PISD: variants seen among roughly 807,000 people sequenced by gnomAD.
PISD encodes the protein phosphatidylserine decarboxylase proenzyme, mitochondrial.
A neutral mutation model predicts 43.5 loss-of-function variants in PISD; 31 were observed. The observed-to-expected ratio is 0.71, with a 90% CI of 0.54 to 0.96. The LOEUF is 0.96. PISD is among the 40% of genes least tolerant of loss of function. PISD has a pLI of 0.00. For synonymous variants in PISD, 259 were observed against 228.7 expected, an observed-to-expected ratio of 1.13 and a Z score of -1.20; for missense variants, 523 against 548.4, an observed-to-expected ratio of 0.95 and a Z score of 0.46.
chr22:31,619,719 T>G lies in PISD; in HGVS notation c.1123A>C (p.Asn375His). The change falls in exon 8 of 8, where the codon AAC becomes CAC. Residue 375 changes from asparagine to histidine, a missense_variant. Coordinates refer to ENST00000439502, the MANE Select transcript of PISD (RefSeq NM_001326411.2). ...MRKGEHLGEF[N>H]LGSTIVLIFE... ...ATGAGCACGATGGTGGAGCCCAGGT[T>G]GAACTCGCCCAGGTGCTCGCCCTTA... 1 of 1,614,226 alleles carries G rather than the reference T, an allele frequency of 6.2e-7. No individual in the cohort carries two copies. The highest frequency in any genetic ancestry group is 1.1e-5 in the South Asian group (1 of 91,082).
In PISD at chr22:31,641,712, C is replaced by T. The variant is rs539406795; in HGVS notation, c.321+6389G>A. On this transcript the variant is annotated intron_variant, in intron 3 of 7. Transcript: ENST00000439502. The stretch of plus-strand genomic sequence containing the variant: ...CCACAAGCCTGTAATCCCAGCTACT[C>T]GGGAGGCTGAGGCAGGAGAACTGCT... Among the ~76,000 whole-genome samples the T allele has an allele frequency of 4.6e-5, 7 of 150,948 alleles. No individual in the cohort carries two copies. The East Asian group carries it at 5.8e-4, about 13-fold the overall frequency.
At chr22:31,625,726 G>A in intron 3 of PISD, 1 of 1,564,978 alleles carries the variant, frequency 6.4e-7, no homozygotes, top group South Asian at 1.2e-5. Context: ...TCGTGGCGGG[G>A]AACCGTGGGG....
intron 3 of PISD, among the ~76,000 whole-genome samples, chr22:31,645,525 T>C (rs887778059): frequency 2.7e-5 from 4 of 147,228 alleles, no homozygotes; most frequent in Admixed American, 1.4e-4. Context: ...GCCAACATGG[T>C]GAAACCCTGT....
rs766772550 is a variant in PISD at position 31,625,748 on chromosome 22, T to C, written c.322-3863A>G. On this transcript the variant is annotated intron_variant, in intron 3 of 7. Transcript: ENST00000439502. Reference sequence around the variant, plus strand: ...GGGGAACCGTGGGGTTAGGGCGCGGTGGGCAGCATCTCACCATTTCGCCGC... The same window carrying C: ...GGGGAACCGTGGGGTTAGGGCGCGGCGGGCAGCATCTCACCATTTCGCCGC... The C allele has an allele frequency of 6.4e-6, 10 of 1,568,196 alleles. No homozygotes were observed. The South Asian group carries it at 1.2e-4, about 18-fold the overall frequency.
intron 3 of PISD, chr22:31,629,009 G>A: frequency 1.0e-6 from 1 of 985,360 alleles, no homozygotes. Context: ...TGGCTGATAG[G>A]ACCGTATAGG....
chr22:31,650,621 AC>A, intron 2 of PISD, 77 bp downstream of exon 2: 1 of 789,218 alleles, frequency 1.3e-6, no homozygotes, highest in Non-Finnish European at 2.1e-6. Flanking sequence ...TCTAACAACA[AC>A]CCTATGTTTA....
rs987288998 is a variant in PISD at position 31,630,138 on chromosome 22, A to T, written c.322-8253T>A. 1 of 152,104 alleles carries T rather than the reference A, an allele frequency of 6.6e-6. No individual in the cohort carries two copies. Among genetic ancestry groups the T allele is most frequent in the African/African-American group, 2.4e-5 (1 of 41,370 alleles). 9.4% of individuals were successfully genotyped at this position (152,104 alleles called of 1,614,324 possible). On this transcript the variant is annotated intron_variant, in intron 3 of 7. Transcript: ENST00000439502. This position sits in a 1 kb window ranked among gnomAD's most constrained non-coding sequence, Gnocchi z 4.4. ...AACTTCCCAAGTAGGAGACGGGGAA[A>T]ATGGTCCTCCCTGGGCGACATGGAC... is the stretch of plus-strand genomic sequence containing the variant.
At chr22:31,624,712 G>GAC (rs55946723) in intron 3 of PISD, among the ~76,000 whole-genome samples, 13,824 of 111,652 alleles carry the variant, frequency 0.12, 888 homozygotes, top group East Asian at 0.27. Context: ...AGCAAAGGTG[G>GAC]ACACACACAC....
In PISD at chr22:31,619,737, C is replaced by T. The variant is rs2072378969; in HGVS notation, c.1105G>A (p.Glu369Lys). 4 of 1,614,174 alleles carry T rather than the reference C, an allele frequency of 2.5e-6. No individual in the cohort carries two copies. Among genetic ancestry groups the T allele is most frequent in the East Asian group, 2.2e-5 (1 of 44,888 alleles). The change falls in exon 8 of 8, where the codon GAG becomes AAG. Residue 369 changes from glutamate (E) to lysine (K), a missense_variant. By Grantham distance (56) the Glu-to-Lys change is moderately conservative. Transcript: ENST00000439502. ...NREGVPMRKG[E>K]HLGEFNLGST... ...CCCAGGTTGAACTCGCCCAGGTGCT[C>T]GCCCTTACGCATGGGGACGCCCTCT...
chr22:31,648,157 G>A lies in PISD; in HGVS notation c.265C>T (p.Arg89Ter), dbSNP rs376411569. ...GYRQYEKYRE[R>*]ELEKLGLEIP... ...TCCAATCCCAGCTTCTCCAGCTCTCGCTCCCTGTACTTCTCATACTGCCGG... is the reference window on the plus strand; with the variant it reads ...TCCAATCCCAGCTTCTCCAGCTCTCACTCCCTGTACTTCTCATACTGCCGG... The change falls in exon 3 of 8, where the codon CGA becomes TGA. Residue 89 changes from arginine to a stop codon, truncating the protein, a stop_gained. Coordinates refer to ENST00000439502, the MANE Select transcript of PISD (RefSeq NM_001326411.2). LOFTEE classifies it high-confidence loss of function. The A allele has an allele frequency of 1.2e-5, 19 of 1,612,132 alleles. No individual in the cohort carries two copies. The highest frequency in any genetic ancestry group is 2.2e-5 in the East Asian group (1 of 44,850).
At chr22:31,649,335 T>C (rs999189417) in intron 2 of PISD, among the ~76,000 whole-genome samples, 1 of 152,206 alleles carries the variant, frequency 6.6e-6, no homozygotes, top group Non-Finnish European at 1.5e-5. Context: ...GTTAAATTGC[T>C]GAAAACTCCC....
At chr22:31,632,098 G>T in intron 3 of PISD, 2 of 222,120 alleles carry the variant, frequency 9.0e-6, no homozygotes, top group Non-Finnish European at 1.5e-5. Context: ...GGTCTGTAGG[G>T]CTTGCGGAGA....
At position 31,637,156 on chromosome 22, in the gene PISD, AAAAAAAAAATATATATATATATATAT is replaced by A. The variant is rs1207459072; in HGVS notation, c.321+10919_321+10944del. 2.2e-3 allele frequency among the ~76,000 whole-genome samples: 92 copies of A among 42,414 alleles called. 3 individuals carry two copies. The highest frequency in any genetic ancestry group is 0.018 in the Admixed American group (64 of 3,630). The allele number at this position is 42,414 out of a possible 152,430, so 27.8% of individuals were successfully genotyped here. A position where few individuals can be genotyped will look rare whatever the true frequency, so the allele number is the denominator to read the frequency against. ...TAATAAATAAATTAAAAAAAAAAAA[AAAAAAAAAATATATATATATATATAT>A]ATATATATATATATATATATATATA... is the stretch of plus-strand genomic sequence containing the variant. On this transcript the variant is annotated intron_variant, in intron 3 of 7. Coordinates refer to ENST00000439502, the MANE Select transcript of PISD (RefSeq NM_001326411.2).
At chr22:31,624,428 G>GC (rs945130751) in intron 3 of PISD, among the ~76,000 whole-genome samples, 10 of 151,986 alleles carry the variant, frequency 6.6e-5, no homozygotes, top group Non-Finnish European at 1.3e-4. Flanking sequence ...ATGGTTCCAG[G>GC]CCCCCCCTTT....
chr22:31,655,076 CAAAAAAAAAAAAAA>C (rs1038608958), intron 1 of PISD, among the ~76,000 whole-genome samples: 34 of 57,120 alleles, frequency 6.0e-4, no homozygotes, highest in African/African-American at 2.3e-3. Flanking sequence ...ACTCTATCTC[CAAAAAAAAAAAAAA>C]AAAAAAAAAA....
chr22:31,627,342 C>T (rs2072963971), intron 3 of PISD, among the ~76,000 whole-genome samples: 1 of 152,260 alleles, frequency 6.6e-6, no homozygotes, highest in Non-Finnish European at 1.5e-5. Flanking sequence ...GAGATTGGCA[C>T]AGGCACAAGA....
intron 1 of PISD, among the ~76,000 whole-genome samples, chr22:31,655,126 C>T (rs1601450875): frequency 7.1e-6 from 1 of 141,488 alleles, no homozygotes; most frequent in East Asian, 2.1e-4. Flanking sequence ...GGTCCCTGAA[C>T]ATTGCTTGGA....
Position 31,628,657 on chromosome 22 carries a change from G to A in PISD, c.322-6772C>T, listed in dbSNP as rs149794516. ...TTCCTCTACCTCTGCCCTGAGAGCAGGGAAAGGCATTGGCAAGTCACAGGT... is the reference window on the plus strand; with the variant it reads ...TTCCTCTACCTCTGCCCTGAGAGCAAGGAAAGGCATTGGCAAGTCACAGGT... On this transcript the variant is annotated intron_variant, in intron 3 of 7. Transcript: ENST00000439502. 2.2e-3 allele frequency among the ~76,000 whole-genome samples: 331 copies of A among 152,318 alleles called. 4 individuals are homozygous for A. The Middle Eastern group carries it at 0.037, about 17-fold the overall frequency.
At chr22:31,625,198 G>A (rs766726021) in intron 3 of PISD, among the ~76,000 whole-genome samples, 4 of 151,946 alleles carry the variant, frequency 2.6e-5, no homozygotes, top group East Asian at 3.9e-4. Flanking sequence ...GGCGAACCCC[G>A]CTCAGGCTCA....
Sources: allele counts gnomAD v4.1 joint callset (sites outside exome capture counted in the v4.1 genomes callset), GRCh38; gene constraint gnomAD v4.1.1; non-coding constraint Gnocchi (gnomAD v3.1); transcripts MANE v1.5; gene names NCBI Gene and HGNC (gene_info 2026-07-23, HGNC 2026-07-21).